The following MCRS1 variants were observed in gnomAD, a reference collection of about 807,000 sequenced individuals.
MCRS1 encodes 58 kDa microspherule protein.
In MCRS1, 22 loss-of-function variants were observed where a neutral mutation model predicts 62.9. The observed-to-expected ratio is 0.35, with a 90% CI of 0.25 to 0.50. MCRS1 has a LOEUF of 0.50. Among genes scored for constraint, MCRS1 ranks in the 20% least tolerant of loss-of-function variants. The pLI is 0.98. For missense variants in MCRS1, 456 were observed against 601.1 expected (o/e 0.76, Z 2.52); for synonymous variants, 244 against 233.5 (o/e 1.04, Z -0.41).
intron 6 of MCRS1, 42 bp downstream of exon 6, chr12:49,564,439 T>C: frequency 6.5e-7 from 1 of 1,533,514 alleles, no homozygotes; most frequent in Non-Finnish European, 9.0e-7. Flanking sequence ...CAAATTCTGG[T>C]GTCCCAGTAC....
intron 9 of MCRS1, 72 bp downstream of exon 9, chr12:49,560,223 C>T: frequency 6.6e-7 from 1 of 1,520,804 alleles, no homozygotes; most frequent in Admixed American, 1.7e-5. Context: ...TGGGGCTGGG[C>T]AGCCTGGGGC....
rs1938610804 is a variant in MCRS1 at position 49,559,041 on chromosome 12, G to C, written c.1175-71C>G. On this transcript the variant is annotated intron_variant, in intron 13 of 14. Transcript: ENST00000343810. The surrounding 1 kb of genome is among the most constrained non-coding windows in gnomAD (Gnocchi z 5.2). ...TGATGGGATGGGGAAAGGCCAGAGA[G>C]AGCCAGGAGCTTCCATGGACCAGCT... 1.9e-6 allele frequency: 3 copies of C among 1,593,962 alleles called. No homozygotes were observed. Among genetic ancestry groups the C allele is most frequent in the African/African-American group, 2.7e-5 (2 of 74,566 alleles).
intron 1 of MCRS1, chr12:49,567,511 G>T (rs1202638352): frequency 6.6e-6 from 1 of 152,090 alleles, no homozygotes; most frequent in Admixed American, 6.5e-5. Context: ...TTAGCTCAGT[G>T]TTCTAGCCCT....
chr12:49,567,347 C>T (rs1939116307), intron 1 of MCRS1, among the ~76,000 whole-genome samples: 1 of 151,550 alleles, frequency 6.6e-6, no homozygotes, highest in Admixed American at 6.6e-5. Context: ...AGTGGTATTT[C>T]CATGAGATAC....
Position 49,564,352 on chromosome 12 carries a change from C to A in MCRS1, c.557+129G>T, listed in dbSNP as rs577699040. On this transcript the variant is annotated intron_variant, in intron 6 of 14. Transcript: ENST00000343810. ...TGAAGCCTCTCAGGCCTCAGTATCA[C>A]CCCCAAGGAGCCTCCAGGAGTCCTG... The A allele has an allele frequency of 1.8e-3, 1,255 of 709,318 alleles. 28 individuals are homozygous for A. In the South Asian group the frequency reaches 0.022, roughly 12 times the overall value. 43.9% of individuals were successfully genotyped at this position (709,318 alleles called of 1,614,324 possible).
chr12:49,561,870 G>A (rs747880889), intron 8 of MCRS1, among the ~76,000 whole-genome samples: 2 of 151,544 alleles, frequency 1.3e-5, no homozygotes, highest in East Asian at 1.9e-4. Flanking sequence ...TTCGTGCCTC[G>A]GCCTCCCAAA....
Position 49,559,636 on chromosome 12 carries a change from A to C in MCRS1, c.1003+93T>G, listed in dbSNP as rs972344020. Reference sequence around the variant, plus strand: ...TAAGGGAAGGGGGTCGGGGCCTGGGAAACGAGGGTCTCCCCAGCCAGGCAG... The same window carrying C: ...TAAGGGAAGGGGGTCGGGGCCTGGGCAACGAGGGTCTCCCCAGCCAGGCAG... On this transcript the variant is annotated intron_variant, in intron 11 of 14. Coordinates refer to ENST00000343810, the MANE Select transcript of MCRS1 (RefSeq NM_006337.5). The surrounding 1 kb of genome is among the most constrained non-coding windows in gnomAD (Gnocchi z 5.2). 2 of 1,589,200 alleles carry C rather than the reference A, an allele frequency of 1.3e-6. No individual in the cohort carries two copies. The highest frequency in any genetic ancestry group is 2.7e-5 in the African/African-American group (2 of 74,352).
Position 49,560,103 on chromosome 12 carries a change from T to G in MCRS1, c.882-136A>C, listed in dbSNP as rs928841067. The G allele has an allele frequency of 4.5e-6, 6 of 1,321,068 alleles. No homozygotes were observed. In the Admixed American group the frequency reaches 1.0e-4, roughly 23 times the overall value. 81.8% of individuals were successfully genotyped at this position (1,321,068 alleles called of 1,614,324 possible). ...ATCAGGCCTTGGCCCAGCCTCCTTC[T>G]CTGGGGTTGGGCTGGGGATAAGGGT... On this transcript the variant is annotated intron_variant, in intron 9 of 14. Coordinates refer to ENST00000343810, the MANE Select transcript of MCRS1 (RefSeq NM_006337.5).
At chr12:49,558,756 G>T in intron 14 of MCRS1, 27 bp from the exon 15 acceptor site, 2 of 1,613,512 alleles carry the variant, frequency 1.2e-6, no homozygotes, top group South Asian at 1.1e-5. Context: ...GGTGGCTTAA[G>T]ACAGAGGTGG....
At chr12:49,564,382 C>T in intron 6 of MCRS1, 99 bp downstream of exon 6, 1 of 1,021,008 alleles carries the variant, frequency 9.8e-7, no homozygotes, top group Non-Finnish European at 1.5e-6. Context: ...GTCCTGCCTC[C>T]CAGACCCCTC....
chr12:49,567,328 G>A (rs1037354660), intron 1 of MCRS1, among the ~76,000 whole-genome samples: 26 of 151,788 alleles, frequency 1.7e-4, no homozygotes, highest in African/African-American at 6.3e-4. Context: ...TTTTACTGAA[G>A]ATTTAGTAAG....
chr12:49,565,781 G>A, intron 3 of MCRS1, 114 bp from the exon 4 acceptor site: 9 of 1,470,786 alleles, frequency 6.1e-6, no homozygotes, highest in Non-Finnish European at 8.5e-6. Context: ...GCTCCAGCCT[G>A]CTTTCACTTT....
intron 2 of MCRS1, chr12:49,566,451 C>T: frequency 6.4e-7 from 1 of 1,567,810 alleles, no homozygotes; most frequent in Non-Finnish European, 8.7e-7. Context: ...TCGTGCAGCA[C>T]ATGGTGCTCA....
At position 49,559,559 on chromosome 12, in the gene MCRS1, G is replaced by C. The variant is rs746455035; in HGVS notation, c.1004-24C>G. On this transcript the variant is annotated intron_variant, in intron 11 of 14. Transcript: ENST00000343810. The surrounding 1 kb of genome is among the most constrained non-coding windows in gnomAD (Gnocchi z 5.2). ...GCCTGGGAGAAGAGGGAGTTTGGAA[G>C]AGCCTACCCCTGAGGGCCAGAATGC... 2.5e-6 allele frequency: 4 copies of C among 1,607,316 alleles called. No homozygotes were observed. The highest frequency in any genetic ancestry group is 1.7e-5 in the Admixed American group (1 of 60,028).
In MCRS1 at chr12:49,558,690, G is replaced by C. The variant is rs1222793402; in HGVS notation, c.1342C>G (p.Leu448Val). ...LRFVFLINQD[L>V]IALIRAEAAK... The stretch of plus-strand genomic sequence containing the variant: ...GCCTCAGCCCTGATGAGGGCAATGA[G>C]GTCCTGGTTGATAAGGAAGACGAAT... Residue 448 changes from leucine to valine, a missense_variant, in exon 15 of 15, where the codon CTC becomes GTC. Leu to Val is a conservative substitution (Grantham distance 32, BLOSUM62 1). This residue lies in a region of MCRS1 where 393 missense variants were observed against 523.5 expected (regional missense o/e 0.75). Transcript: ENST00000343810. The C allele has an allele frequency of 1.2e-6, 2 of 1,613,934 alleles. No individual in the cohort carries two copies. Among genetic ancestry groups the C allele is most frequent in the Non-Finnish European group, 1.7e-6 (2 of 1,180,036 alleles).
At chr12:49,565,135 C>A (rs1361000796) in intron 4 of MCRS1, 1 of 985,286 alleles carries the variant, frequency 1.0e-6, no homozygotes, top group Non-Finnish European at 1.2e-6. Context: ...CTGGCAGTAT[C>A]CCCGACCCCA....
intron 1 of MCRS1, chr12:49,567,589 G>A (rs1374919434): frequency 2.6e-5 from 4 of 152,162 alleles, no homozygotes; most frequent in Non-Finnish European, 5.9e-5. Flanking sequence ...TCTGAGGAGA[G>A]GGCGAAGGGG....
chr12:49,561,140 T>C (rs1592522743), intron 8 of MCRS1, among the ~76,000 whole-genome samples: 2 of 152,246 alleles, frequency 1.3e-5, no homozygotes, highest in Admixed American at 1.3e-4. Context: ...CAAGAGGATC[T>C]CTTGAGCTGA....
chr12:49,562,898 G>C lies in MCRS1; in HGVS notation c.805+103C>G, dbSNP rs572057841. On this transcript the variant is annotated intron_variant, in intron 8 of 14. Coordinates refer to ENST00000343810, the MANE Select transcript of MCRS1 (RefSeq NM_006337.5). Reference sequence around the variant, plus strand: ...GAACAAGACACTGGGGATCACTGAGGAATCTGTTACAGGGCACTTGAAGGC... The same window carrying C: ...GAACAAGACACTGGGGATCACTGAGCAATCTGTTACAGGGCACTTGAAGGC... The C allele has an allele frequency of 1.4e-5, 19 of 1,395,828 alleles. No individual in the cohort carries two copies. In the South Asian group the frequency reaches 2.2e-4, roughly 16 times the overall value. 86.5% of individuals were successfully genotyped at this position (1,395,828 alleles called of 1,614,324 possible). A position where few individuals can be genotyped will look rare whatever the true frequency, so the allele number is the denominator to read the frequency against.
Sources: allele counts gnomAD v4.1 joint callset (sites outside exome capture counted in the v4.1 genomes callset), GRCh38; gene constraint gnomAD v4.1.1; regional missense constraint gnomAD v4.1.1; non-coding constraint Gnocchi (gnomAD v3.1); transcripts MANE v1.5; gene names NCBI Gene and HGNC (gene_info 2026-07-23, HGNC 2026-07-21).